The following ADGRV1 variants were observed in gnomAD, a reference collection of about 807,000 sequenced individuals.
ADGRV1 encodes the protein G-protein coupled receptor 98.
In ADGRV1, 359 loss-of-function variants were observed where a neutral mutation model predicts 596.2. The ratio of observed to expected loss-of-function variants is 0.60; its 90% CI spans 0.55 to 0.66. The LOEUF (loss-of-function observed/expected upper bound fraction) is 0.66. Among genes scored for constraint, ADGRV1 ranks in the 30% least tolerant of loss-of-function variants. ADGRV1 has a pLI of 0.00. For synonymous variants in ADGRV1, 2,681 were observed against 2,679.2 expected (o/e 1.00, Z -0.02); for missense variants, 7,274 against 7,575.6 (o/e 0.96, Z 1.48).
At chr5:90,777,404 C>A (rs576317985) in intron 61 of ADGRV1, among the ~76,000 whole-genome samples, 7 of 152,238 alleles carry the variant, frequency 4.6e-5, no homozygotes, top group African/African-American at 1.7e-4. Flanking sequence ...TTAGTATGAT[C>A]ATAGGCAAGT....
intron 21 of ADGRV1, among the ~76,000 whole-genome samples, chr5:90,668,267 A>G (rs969825429): frequency 2.8e-4 from 43 of 151,684 alleles, no homozygotes; most frequent in Non-Finnish European, 4.1e-4. Flanking sequence ...GCGAGACTCC[A>G]TGGGTGTAGG....
intron 82 of ADGRV1, among the ~76,000 whole-genome samples, chr5:90,856,459 G>A (rs572342731): frequency 1.3e-5 from 2 of 152,058 alleles, no homozygotes; most frequent in Non-Finnish European, 2.9e-5. Context: ...TTGTATTAAT[G>A]TCTGTCAAAC....
chr5:90,711,722 T>G (rs926586965), intron 41 of ADGRV1, among the ~76,000 whole-genome samples: 2 of 152,182 alleles, frequency 1.3e-5, no homozygotes, highest in Non-Finnish European at 2.9e-5. Flanking sequence ...TAAAATACTT[T>G]TACTTGGTCT....
chr5:90,772,637 A>G (rs900405676), intron 59 of ADGRV1, among the ~76,000 whole-genome samples: 7 of 152,206 alleles, frequency 4.6e-5, no homozygotes, highest in African/African-American at 1.7e-4. Context: ...AAAAGTGCTC[A>G]ATATTGATTT....
intron 15 of ADGRV1, 33 bp downstream of exon 15, chr5:90,644,902 G>T: frequency 7.2e-7 from 1 of 1,387,102 alleles, no homozygotes; most frequent in South Asian, 1.5e-5. Context: ...TGCCTTACTT[G>T]TTGTAGTTGA....
At chr5:91,058,915 C>G (rs982842517) in intron 85 of ADGRV1, among the ~76,000 whole-genome samples, 3 of 152,202 alleles carry the variant, frequency 2.0e-5, no homozygotes, top group Non-Finnish European at 4.4e-5. Flanking sequence ...GCCTCTTCCA[C>G]AAAGTCTCCT....
At chr5:90,928,622 T>G (rs1774797128) in intron 83 of ADGRV1, among the ~76,000 whole-genome samples, 1 of 150,564 alleles carries the variant, frequency 6.6e-6, no homozygotes, top group African/African-American at 2.5e-5. Flanking sequence ...GAAGCCTTCT[T>G]CTCTCAGCTC....
chr5:90,853,931 G>A (rs1766778832), intron 80 of ADGRV1, 131 bp from the exon 81 acceptor site: 3 of 697,538 alleles, frequency 4.3e-6, no homozygotes, highest in Admixed American at 4.8e-5. Flanking sequence ...GCATAAGTGA[G>A]CTAAATACTA....
intron 83 of ADGRV1, among the ~76,000 whole-genome samples, chr5:90,892,193 G>A (rs887639491): frequency 1.3e-5 from 2 of 151,946 alleles, no homozygotes; most frequent in African/African-American, 4.8e-5. Context: ...GTGAATGTGA[G>A]GTCACCTTTC....
At chr5:90,660,361 C>T (rs978275297) in intron 21 of ADGRV1, among the ~76,000 whole-genome samples, 2 of 152,096 alleles carry the variant, frequency 1.3e-5, no homozygotes, top group African/African-American at 4.8e-5. Context: ...TTGATGTGTA[C>T]AGGGGTCCTG....
chr5:90,796,060 C>T (rs567731081), intron 70 of ADGRV1, among the ~76,000 whole-genome samples: 15 of 152,138 alleles, frequency 9.9e-5, no homozygotes, highest in Admixed American at 5.9e-4. Context: ...AAAACCAGAA[C>T]GCTGCTTCTC....
chr5:90,775,530 G>A (rs974163227), intron 60 of ADGRV1, among the ~76,000 whole-genome samples: 1 of 152,164 alleles, frequency 6.6e-6, no homozygotes, highest in African/African-American at 2.4e-5. Flanking sequence ...AGGCTGCAGT[G>A]CAGTGGTGTG....
At chr5:90,968,442 A>G (rs772964006) in intron 84 of ADGRV1, among the ~76,000 whole-genome samples, 1 of 152,206 alleles carries the variant, frequency 6.6e-6, no homozygotes, top group African/African-American at 2.4e-5. Flanking sequence ...GAGTTAGGTA[A>G]ATATGATTGT....
intron 85 of ADGRV1, among the ~76,000 whole-genome samples, chr5:91,052,551 C>T (rs1460988688): frequency 6.6e-6 from 1 of 151,822 alleles, no homozygotes; most frequent in Non-Finnish European, 1.5e-5. Flanking sequence ...TATCGTGCCT[C>T]AGCCTCCCGA....
At chr5:90,603,709 A>C (rs1283880427) in intron 1 of ADGRV1, among the ~76,000 whole-genome samples, 2 of 151,856 alleles carry the variant, frequency 1.3e-5, no homozygotes, top group Non-Finnish European at 2.9e-5. Flanking sequence ...TTTGGAGGTG[A>C]CTTGGGGCCC....
In ADGRV1 at chr5:90,583,382, A is replaced by G. The variant is rs552957344; in HGVS notation, c.22+24465A>G. Reference sequence around the variant, plus strand: ...GCACTCTAACATGAGTTTGAAAAAAACATTGAGCTGGCAATTTCTGCTTTC... The same window carrying G: ...GCACTCTAACATGAGTTTGAAAAAAGCATTGAGCTGGCAATTTCTGCTTTC... On this transcript the variant is annotated intron_variant, in intron 1 of 89. Coordinates refer to ENST00000405460, the MANE Select transcript of ADGRV1 (RefSeq NM_032119.4). Among the ~76,000 whole-genome samples the G allele has an allele frequency of 2.6e-5, 4 of 152,300 alleles. No homozygotes were observed. In the South Asian group the frequency reaches 8.3e-4, roughly 32 times the overall value.
Position 90,823,480 on chromosome 5 carries a change from G to T in ADGRV1, c.16252G>T (p.Val5418Leu), listed in dbSNP as rs776337063. ...WRVTLNKTVV[V>L]LQKDGVNLVE... ...AGTCACACTTAACAAAACAGTCGTCGTGCTCCAGAAGGATGGGGTAAACCT... is the reference window on the plus strand; with the variant it reads ...AGTCACACTTAACAAAACAGTCGTCTTGCTCCAGAAGGATGGGGTAAACCT... Residue 5418 changes from valine to leucine, a missense_variant, in exon 76 of 90, where the codon GTG becomes TTG. Val to Leu is a conservative substitution (Grantham distance 32). Coordinates refer to ENST00000405460, the MANE Select transcript of ADGRV1 (RefSeq NM_032119.4). 6.2e-7 allele frequency: 1 copy of T among 1,613,916 alleles called. No homozygotes were observed. The highest frequency in any genetic ancestry group is 8.5e-7 in the Non-Finnish European group (1 of 1,179,848).
In ADGRV1 at chr5:90,811,075, A is replaced by T; in HGVS notation, c.15815A>T (p.Asn5272Ile). 1 of 1,614,006 alleles carries T rather than the reference A, an allele frequency of 6.2e-7. No individual in the cohort carries two copies. The highest frequency in any genetic ancestry group is 1.1e-5 in the South Asian group (1 of 91,078). The change falls in exon 74 of 90, where the codon AAT becomes ATT. Residue 5272 changes from asparagine to isoleucine, a missense_variant. Physicochemically the swap from Asn to Ile is moderately radical, Grantham distance 149 (BLOSUM62 -3). Around this residue, in one of 5 missense-constraint regions of ADGRV1, gnomAD observed 1,874 missense variants for 1,970.2 expected, o/e 0.95. Coordinates refer to ENST00000405460, the MANE Select transcript of ADGRV1 (RefSeq NM_032119.4). ...GAAAGATGTGCTCAGATGGAACCAAATGCATTGCCCTTTCGTGGTATCTAT... is the reference window on the plus strand; with the variant it reads ...GAAAGATGTGCTCAGATGGAACCAATTGCATTGCCCTTTCGTGGTATCTAT... Reference protein sequence around the residue: ...FGERCAQMEPNALPFRGIYGI... With the variant: ...FGERCAQMEPIALPFRGIYGI...
intron 24 of ADGRV1, among the ~76,000 whole-genome samples, chr5:90,675,834 AAG>A (rs1773181602): frequency 1.3e-5 from 2 of 152,084 alleles, no homozygotes; most frequent in Admixed American, 1.3e-4. Flanking sequence ...AAAGAAAAGA[AAG>A]AAAGAAAAAA....
Sources: gnomAD v4.1 joint callset for allele counts (sites outside exome capture counted in the v4.1 genomes callset) on GRCh38, gnomAD v4.1.1 for gene constraint, gnomAD v4.1.1 regional missense constraint, MANE v1.5 for transcripts, NCBI Gene and HGNC (gene_info 2026-07-23, HGNC 2026-07-21) for gene names.